The following CPN2 variants were observed in gnomAD, a reference collection of about 807,000 sequenced individuals.
CPN2 encodes the protein carboxypeptidase N 83 kDa chain.
For missense variants in CPN2, 620 were observed against 671.4 expected (o/e 0.92, Z 0.85); for synonymous variants, 336 against 318.4 (o/e 1.06, Z -0.59).
chr3:194,342,192 G>A lies in CPN2; in HGVS notation c.511C>T (p.Leu171=), dbSNP rs776431195. ...PRRLFQPLTH[L]KTLNLAQNLL... ...TTCTGGGCCAGGTTGAGTGTCTTCA[G>A]ATGGGTCAGAGGCTGGAAGAGCCTC... Residue 171 remains leucine (L), a synonymous_variant, in exon 2 of 2, where the codon CTG becomes TTG. Transcript: ENST00000323830. The A allele has an allele frequency of 1.3e-5, 21 of 1,613,996 alleles. No homozygotes were observed. The highest frequency in any genetic ancestry group is 4.4e-5 in the South Asian group (4 of 91,090).
At position 194,346,215 on chromosome 3, in the gene CPN2, C is replaced by T. The variant is rs191588605; in HGVS notation, c.-3-3510G>A. On this transcript the variant is annotated intron_variant, in intron 1 of 1. Transcript: ENST00000323830. ...ACAGAAGCGAGGGGCCAGGGCCAGT[C>T]CTGACAGCCCGGGCTCTGCAGGGAA... 2.0e-5 allele frequency among the ~76,000 whole-genome samples: 3 copies of T among 152,374 alleles called. No individual in the cohort carries two copies. The East Asian group carries it at 5.8e-4, about 29-fold the overall frequency.
intron 1 of CPN2, among the ~76,000 whole-genome samples, chr3:194,345,330 A>G (rs1713006740): frequency 6.6e-6 from 1 of 152,072 alleles, no homozygotes; most frequent in Non-Finnish European, 1.5e-5. Flanking sequence ...GTTTTGTTTA[A>G]TTTTATTATT....
At chr3:194,348,335 T>TCCGCTGCCCAGTTCAGCCCACACCAC in intron 1 of CPN2, among the ~76,000 whole-genome samples, 1 of 17,712 alleles carries the variant, frequency 5.6e-5, no homozygotes, top group East Asian at 3.3e-3. Context: ...GCCCACCCCA[T>TCCGCTGCCCAGTTCAGCCCACACCAC]CCTCTGCCCA....
At chr3:194,343,127 T>C (rs185482378) in intron 1 of CPN2, among the ~76,000 whole-genome samples, 14 of 152,172 alleles carry the variant, frequency 9.2e-5, no homozygotes, top group African/African-American at 2.4e-4. Flanking sequence ...AGAGATGAGA[T>C]GGCTCCTCAA....
chr3:194,342,569 A>AGCGGGAC lies in CPN2; in HGVS notation c.133_134insGTCCCGC (p.Leu45ArgfsTer30). 3 of 1,614,134 alleles carry AGCGGGAC rather than the reference A, an allele frequency of 1.9e-6. No individual in the cohort carries two copies. Among genetic ancestry groups the AGCGGGAC allele is most frequent in the Non-Finnish European group, 1.7e-6 (2 of 1,180,008 alleles). On this transcript the variant is annotated frameshift_variant, in exon 2 of 2. Coordinates refer to ENST00000323830, the MANE Select transcript of CPN2 (RefSeq NM_001080513.4). LOFTEE classifies it low-confidence loss of function (END_TRUNC). ...GTTTTTCGTATATGGCGGGATGTCCAGTGGGACGGTGGCAAGCTCCTCATC... is the reference window on the plus strand; with the variant it reads ...GTTTTTCGTATATGGCGGGATGTCCAGCGGGACGTGGGACGGTGGCAAGCTCCTCATC...
In CPN2 at chr3:194,340,980, T is replaced by G. The variant is rs992838856; in HGVS notation, c.*85A>C. On this transcript the variant is annotated 3_prime_UTR_variant, in exon 2 of 2. Transcript: ENST00000323830. ...CCCTTGCATGTGAAAAGCCAAGGCT[T>G]CGGAGACTCAGCTCCCCTCCGCCCC... The G allele has an allele frequency of 7.6e-6, 11 of 1,455,226 alleles. No homozygotes were observed. The highest frequency in any genetic ancestry group is 2.6e-5 in the Admixed American group (1 of 37,916). The allele number at this position is 1,455,226 out of a possible 1,614,324, so 90.1% of individuals were successfully genotyped here.
intron 1 of CPN2, among the ~76,000 whole-genome samples, chr3:194,343,775 A>AACAATTTAT (rs1156481521): frequency 6.6e-6 from 1 of 152,260 alleles, no homozygotes; most frequent in Non-Finnish European, 1.5e-5. Flanking sequence ...GTTAGGGATT[A>AACAATTTAT]AGTGAGTATA....
In CPN2 at chr3:194,342,058, T is replaced by C. The variant is rs1712857833; in HGVS notation, c.645A>G (p.Lys215=). 6.2e-7 allele frequency: 1 copy of C among 1,613,916 alleles called. No individual in the cohort carries two copies. The highest frequency in any genetic ancestry group is 1.3e-5 in the African/African-American group (1 of 74,848). The change falls in exon 2 of 2, where the codon AAA becomes AAG. Residue 215 remains lysine, a synonymous_variant. Coordinates refer to ENST00000323830, the MANE Select transcript of CPN2 (RefSeq NM_001080513.4). Reference sequence around the variant, plus strand: ...GGAAGAGCTCCTGCAGGCTGCCCAGTTTGCCAAACACACCCTGGGGGAGAC... The same window carrying C: ...GGAAGAGCTCCTGCAGGCTGCCCAGCTTGCCAAACACACCCTGGGGGAGAC... ...LSGLPQGVFG[K]LGSLQELFLD...
At chr3:194,349,904 C>T (rs915324990) in intron 1 of CPN2, among the ~76,000 whole-genome samples, 2 of 148,414 alleles carry the variant, frequency 1.3e-5, no homozygotes, top group African/African-American at 2.5e-5. Context: ...CGGGTTCAAG[C>T]GATTCTCCTG....
In CPN2 at chr3:194,342,570, G is replaced by C. The variant is rs774626597; in HGVS notation, c.133C>G (p.Leu45Val). 9.9e-6 allele frequency: 16 copies of C among 1,614,016 alleles called. No individual in the cohort carries two copies. Among genetic ancestry groups the C allele is most frequent in the Non-Finnish European group, 1.3e-5 (15 of 1,180,026 alleles). The change falls in exon 2 of 2, where the codon CTG becomes GTG. Residue 45 changes from leucine to valine, a missense_variant. Leu to Val is a conservative substitution (Grantham distance 32). Transcript: ENST00000323830. ...TTTTTCGTATATGGCGGGATGTCCA[G>C]TGGGACGGTGGCAAGCTCCTCATCT... ...CSDEELATVP[L>V]DIPPYTKNII...
At chr3:194,350,388 C>T (rs888801912) in intron 1 of CPN2, among the ~76,000 whole-genome samples, 30 of 152,294 alleles carry the variant, frequency 2.0e-4, no homozygotes, top group African/African-American at 5.3e-4. Context: ...ACTTTAGCTC[C>T]GCCAGTGCCC....
intron 1 of CPN2, among the ~76,000 whole-genome samples, chr3:194,343,558 G>A (rs997615200): frequency 1.3e-5 from 2 of 152,244 alleles, no homozygotes; most frequent in African/African-American, 2.4e-5. Flanking sequence ...TGCCCTGTTA[G>A]AGGGTGTGTG....
Position 194,340,117 on chromosome 3 carries a change from A to C in CPN2, c.*948T>G, listed in dbSNP as rs1035411867. 2 of 152,172 alleles carry C rather than the reference A, an allele frequency of 1.3e-5. No individual in the cohort carries two copies. The highest frequency in any genetic ancestry group is 4.8e-5 in the African/African-American group (2 of 41,444). 9.4% of individuals were successfully genotyped at this position (152,172 alleles called of 1,614,324 possible). The stretch of plus-strand genomic sequence containing the variant: ...AGGCCAAGTTTTATTGTGCAGGGGA[A>C]GCTCTCAGCAGACTTCAGAGAGAGA... On this transcript the variant is annotated 3_prime_UTR_variant, in exon 2 of 2. Coordinates refer to ENST00000323830, the MANE Select transcript of CPN2 (RefSeq NM_001080513.4).
rs944636787 is a variant in CPN2, at chr3:194,342,280, G to C, written c.423C>G (p.Phe141Leu). The C allele has an allele frequency of 6.2e-6, 10 of 1,613,780 alleles. No homozygotes were observed. The highest frequency in any genetic ancestry group is 1.3e-5 in the African/African-American group (1 of 74,912). The change falls in exon 2 of 2, where the codon TTC becomes TTG. Residue 141 changes from phenylalanine to leucine, a missense_variant. Transcript: ENST00000323830. ...NMLEALPEGL[F>L]QHLAALESLH... ...GGGACTCCAGGGCAGCCAGGTGCTG[G>C]AAAAGACCCTCGGGCAGAGCCTCCA...
rs950859389 is a variant in CPN2, at chr3:194,351,178, G to A, written c.-4+64C>T. ...TGCTCTGAAACGGGGGAGATCGCAAGTTCCCGTTCCTGCCCCCACGTCCCT... is the reference window on the plus strand; with the variant it reads ...TGCTCTGAAACGGGGGAGATCGCAAATTCCCGTTCCTGCCCCCACGTCCCT... On this transcript the variant is annotated intron_variant, in intron 1 of 1. Transcript: ENST00000323830. 5.0e-4 allele frequency: 76 copies of A among 152,298 alleles called. 2 individuals carry two copies. The allele number at this position is 152,298 out of a possible 1,614,324, so 9.4% of individuals were successfully genotyped here.
chr3:194,341,406 G>C lies in CPN2; in HGVS notation c.1297C>G (p.Gln433Glu), dbSNP rs1446759375. The C allele has an allele frequency of 1.2e-6, 2 of 1,614,160 alleles. No homozygotes were observed. The highest frequency in any genetic ancestry group is 3.3e-4 in the Middle Eastern group (2 of 6,060). ...TTCTCATTCAAGGCGGGCACCACCTGGCCTTTGAGGTAGGCAGGGCCAGCG... is the reference window on the plus strand; with the variant it reads ...TTCTCATTCAAGGCGGGCACCACCTCGCCTTTGAGGTAGGCAGGGCCAGCG... ...YCAGPAYLKGQVVPALNEKQL... is the reference protein window; with the variant it reads ...YCAGPAYLKGEVVPALNEKQL... Residue 433 changes from glutamine (Q) to glutamate (E), a missense_variant, in exon 2 of 2, where the codon CAG becomes GAG. Transcript: ENST00000323830.
intron 1 of CPN2, among the ~76,000 whole-genome samples, chr3:194,349,267 A>C (rs1281884850): frequency 6.6e-6 from 1 of 152,200 alleles, no homozygotes; most frequent in African/African-American, 2.4e-5. Context: ...AGGCTGAGGC[A>C]GGAGAATCGC....
rs1560035949 is a variant in CPN2 at position 194,342,321 on chromosome 3, G to A, written c.382C>T (p.Leu128Phe). ...AGAGCCTCCAGCATGTTGAAGTTGAGGGTGAGCTTGCCCAGCGAGGTCAGG... is the reference window on the plus strand; with the variant it reads ...AGAGCCTCCAGCATGTTGAAGTTGAAGGTGAGCTTGCCCAGCGAGGTCAGG... Reference protein sequence around the residue: ...SNLTSLGKLTLNFNMLEALPE... With the variant: ...SNLTSLGKLTFNFNMLEALPE... The change falls in exon 2 of 2, where the codon CTC (leucine) becomes TTC (phenylalanine). Residue 128 changes from leucine (L) to phenylalanine (F), a missense_variant. Leu to Phe is a conservative substitution (Grantham distance 22). Coordinates refer to ENST00000323830, the MANE Select transcript of CPN2 (RefSeq NM_001080513.4). 3 of 1,613,938 alleles carry A rather than the reference G, an allele frequency of 1.9e-6. No individual in the cohort carries two copies. Among genetic ancestry groups the A allele is most frequent in the African/African-American group, 2.7e-5 (2 of 74,920 alleles).
intron 1 of CPN2, among the ~76,000 whole-genome samples, chr3:194,349,468 CAT>C (rs1349865101): frequency 2.0e-5 from 3 of 152,180 alleles, no homozygotes; most frequent in African/African-American, 2.4e-5. Flanking sequence ...AAGTAAGAAA[CAT>C]ATCACTTTTG....
Sources: gnomAD v4.1 joint callset for allele counts (sites outside exome capture counted in the v4.1 genomes callset) on GRCh38, gnomAD v4.1.1 for gene constraint, MANE v1.5 for transcripts, NCBI Gene and HGNC (gene_info 2026-07-23, HGNC 2026-07-21) for gene names.